Variants in GATA4 observed in about 807,000 individuals in gnomAD.
GATA4 encodes GATA binding protein 4.
GATA4 carries 7 observed loss-of-function variants against 37.9 expected under a neutral mutation model. The observed-to-expected ratio is 0.18, with a 90% CI of 0.11 to 0.35. The LOEUF (loss-of-function observed/expected upper bound fraction) is 0.35, where lower values mean the gene tolerates loss of function less well. Ranked by LOEUF, GATA4 falls within the 10% of genes least tolerant of loss-of-function variation. GATA4 has a pLI of 1.00. For synonymous variants in GATA4, 372 were observed against 292.6 expected (o/e 1.27, Z -2.77); for missense variants, 647 against 653.0 (o/e 0.99, Z 0.10).
upstream of GATA4, among the ~76,000 whole-genome samples, chr8:11,688,571 A>G (rs1478824669): frequency 6.6e-6 from 1 of 152,024 alleles, no homozygotes; most frequent in Non-Finnish European, 1.5e-5. Flanking sequence ...AACCCTATAA[A>G]TCTTTGTGTG....
chr8:11,739,376 A>G (rs1037679454), intron 2 of GATA4, among the ~76,000 whole-genome samples: 24 of 152,224 alleles, frequency 1.6e-4, no homozygotes, highest in African/African-American at 5.8e-4. Context: ...TGAAAAATAG[A>G]TATTTTCCCT....
intron 1 of GATA4, chr8:11,697,431 G>A (rs1799538831): frequency 2.3e-6 from 1 of 440,796 alleles, no homozygotes; most frequent in Non-Finnish European, 3.0e-6. Context: ...ACAAGAAACC[G>A]ATGATTTCTA....
In GATA4 at chr8:11,709,953, T is replaced by C. The variant is rs1010870558; in HGVS notation, c.616+1025T>C. Among the ~76,000 whole-genome samples the C allele has an allele frequency of 2.0e-5, 3 of 152,110 alleles. No homozygotes were observed. The highest frequency in any genetic ancestry group is 7.2e-5 in the African/African-American group (3 of 41,428). ...GTGAGTTTGGATTGAGCCCACCCTG[T>C]GGGGGAGGGGAAGCCCAGGCTTGAG... On this transcript the variant is annotated intron_variant, in intron 2 of 6. Transcript: ENST00000532059. The surrounding 1 kb of genome is among the most constrained non-coding windows in gnomAD (Gnocchi z 4.3).
At chr8:11,741,003 C>T (rs1801711391) in intron 2 of GATA4, among the ~76,000 whole-genome samples, 2 of 151,988 alleles carry the variant, frequency 1.3e-5, no homozygotes, top group South Asian at 4.1e-4. Flanking sequence ...CAAAGTGCTG[C>T]GATTACAGGC....
At chr8:11,684,045 G>A (rs962085581) in intron 1 of GATA4, among the ~76,000 whole-genome samples, 3 of 152,228 alleles carry the variant, frequency 2.0e-5, no homozygotes, top group African/African-American at 7.2e-5. Flanking sequence ...CCCTGCCCAG[G>A]GCAACCCATG....
At chr8:11,729,087 G>T (rs1188889762) in intron 2 of GATA4, among the ~76,000 whole-genome samples, 1 of 152,034 alleles carries the variant, frequency 6.6e-6, no homozygotes, top group Non-Finnish European at 1.5e-5. Flanking sequence ...AGAAAAATTA[G>T]CCATGTGTGG....
intron 2 of GATA4, among the ~76,000 whole-genome samples, chr8:11,726,073 G>A (rs1046782812): frequency 2.0e-5 from 3 of 152,192 alleles, no homozygotes; most frequent in Admixed American, 6.5e-5. Flanking sequence ...TCTGGGGTCC[G>A]GAATACCATC....
At chr8:11,727,957 T>C (rs768286401) in intron 2 of GATA4, among the ~76,000 whole-genome samples, 1 of 152,206 alleles carries the variant, frequency 6.6e-6, no homozygotes, top group Non-Finnish European at 1.5e-5. Flanking sequence ...GTACTCGGCA[T>C]GTAGTAAGTG....
intron 1 of GATA4, among the ~76,000 whole-genome samples, chr8:11,693,386 A>T (rs1799387793): frequency 6.6e-6 from 1 of 151,790 alleles, no homozygotes; most frequent in East Asian, 1.9e-4. Flanking sequence ...GAGCCTGGGG[A>T]GGTAGAGGCT....
chr8:11,756,887 G>A (rs768931198), intron 5 of GATA4, 48 bp from the exon 6 acceptor site: 21 of 1,613,858 alleles, frequency 1.3e-5, no homozygotes, highest in Middle Eastern at 1.6e-4. Context: ...CCGGCTGTTC[G>A]TTTGTCCCTG....
At chr8:11,756,854 C>T (rs1563232957) in intron 5 of GATA4, 81 bp from the exon 6 acceptor site, 23 of 1,584,094 alleles carry the variant, frequency 1.5e-5, no homozygotes, top group Non-Finnish European at 2.0e-5. Flanking sequence ...AGCTTGCACC[C>T]ATCCCGGCTG....
intron 2 of GATA4, among the ~76,000 whole-genome samples, chr8:11,723,140 A>G (rs902119276): frequency 4.6e-5 from 7 of 152,096 alleles, no homozygotes. Flanking sequence ...TGAACCTAGG[A>G]GTTTGAAGCC....
chr8:11,733,442 A>G (rs1339278429), intron 2 of GATA4, among the ~76,000 whole-genome samples: 2 of 152,386 alleles, frequency 1.3e-5, no homozygotes, highest in South Asian at 4.1e-4. Context: ...AGTGATGTTC[A>G]TTGCAGCCCT....
At chr8:11,710,101 C>T (rs1167842472) in intron 2 of GATA4, among the ~76,000 whole-genome samples, 1 of 152,178 alleles carries the variant, frequency 6.6e-6, no homozygotes, top group Non-Finnish European at 1.5e-5. Flanking sequence ...CGAGAAGGGC[C>T]TAGGCTTTGA....
intron 1 of GATA4, among the ~76,000 whole-genome samples, chr8:11,683,757 C>T (rs937617069): frequency 6.6e-6 from 1 of 152,166 alleles, no homozygotes; most frequent in Non-Finnish European, 1.5e-5. Context: ...AGATGTTTGG[C>T]GTTGGAAGGG....
intron 4 of GATA4, among the ~76,000 whole-genome samples, chr8:11,753,044 A>T (rs933347833): frequency 1.3e-5 from 2 of 152,238 alleles, no homozygotes; most frequent in African/African-American, 4.8e-5. Context: ...GATCCAGCGT[A>T]CCATTTCTGG....
chr8:11,684,107 C>T (rs1799064120), intron 1 of GATA4, among the ~76,000 whole-genome samples: 1 of 152,244 alleles, frequency 6.6e-6, no homozygotes, highest in African/African-American at 2.4e-5. Context: ...TGGCTCCCTT[C>T]AGCCTTGCCC....
At chr8:11,730,775 T>A (rs1414330930) in intron 2 of GATA4, among the ~76,000 whole-genome samples, 1 of 152,242 alleles carries the variant, frequency 6.6e-6, no homozygotes, top group East Asian at 1.9e-4. Context: ...GGAACTGTAA[T>A]GTCCATGGGC....
intron 2 of GATA4, among the ~76,000 whole-genome samples, chr8:11,746,406 A>G (rs1177799662): frequency 6.6e-6 from 1 of 152,108 alleles, no homozygotes; most frequent in African/African-American, 2.4e-5. Flanking sequence ...CCAGAATGGG[A>G]GGGTTGCACT....
Sources: gnomAD v4.1 joint callset for allele counts (sites outside exome capture counted in the v4.1 genomes callset) on GRCh38, gnomAD v4.1.1 for gene constraint, Gnocchi (gnomAD v3.1) non-coding constraint, MANE v1.5 for transcripts, NCBI Gene and HGNC (gene_info 2026-07-23, HGNC 2026-07-21) for gene names.